Variants in KCND2 observed in about 807,000 individuals in gnomAD.
KCND2 encodes A-type voltage-gated potassium channel KCND2.
KCND2 carries 16 observed loss-of-function variants against 54.4 expected under a neutral mutation model. The ratio of observed to expected loss-of-function variants is 0.29; its 90% CI spans 0.20 to 0.45. The LOEUF is 0.45. Among genes scored for constraint, KCND2 ranks in the 20% least tolerant of loss-of-function variants. The probability of loss-of-function intolerance (pLI) is 1.00; values close to 1 mark genes in which losing one functional copy is unlikely to be tolerated. For synonymous variants in KCND2, 317 were observed against 310.7 expected (o/e 1.02, Z -0.21); for missense variants, 486 against 824.2 (o/e 0.59, Z 5.02).
chr7:120,448,004 A>G (rs1009370437), intron 1 of KCND2, among the ~76,000 whole-genome samples: 3 of 152,180 alleles, frequency 2.0e-5, no homozygotes, highest in Non-Finnish European at 4.4e-5. Flanking sequence ...TTGCATTGAG[A>G]AACTGGACCC....
intron 1 of KCND2, among the ~76,000 whole-genome samples, chr7:120,638,786 C>T (rs974680045): frequency 1.3e-5 from 2 of 151,990 alleles, no homozygotes; most frequent in Admixed American, 6.6e-5. Flanking sequence ...GTATTCAGAC[C>T]TGCGTTGGGG....
At chr7:120,497,888 T>C (rs1802873524) in intron 1 of KCND2, among the ~76,000 whole-genome samples, 1 of 152,164 alleles carries the variant, frequency 6.6e-6, no homozygotes, top group Non-Finnish European at 1.5e-5. Context: ...TGTTTTACTT[T>C]TGTGGAAGGA....
chr7:120,391,118 A>G (rs914637191), intron 1 of KCND2, among the ~76,000 whole-genome samples: 1 of 151,912 alleles, frequency 6.6e-6, no homozygotes, highest in Non-Finnish European at 1.5e-5. Context: ...CTCCCTGTGT[A>G]CATGTGCTCT....
intron 1 of KCND2, among the ~76,000 whole-genome samples, chr7:120,573,537 T>C (rs1792391532): frequency 6.6e-6 from 1 of 152,190 alleles, no homozygotes; most frequent in East Asian, 1.9e-4. Flanking sequence ...CTAATCTCTA[T>C]GCACTAAAGT....
At chr7:120,415,733 A>G (rs946735212) in intron 1 of KCND2, among the ~76,000 whole-genome samples, 1 of 152,178 alleles carries the variant, frequency 6.6e-6, no homozygotes, top group Non-Finnish European at 1.5e-5. Flanking sequence ...ACCCATGATT[A>G]TATCTCCAGT....
intron 1 of KCND2, among the ~76,000 whole-genome samples, chr7:120,276,729 A>G (rs1310122683): frequency 6.6e-6 from 1 of 152,154 alleles, no homozygotes; most frequent in East Asian, 1.9e-4. Context: ...TTTAGGTAGT[A>G]GAGAAAAGGA....
intron 1 of KCND2, among the ~76,000 whole-genome samples, chr7:120,566,100 G>C (rs1792293810): frequency 6.6e-6 from 1 of 152,148 alleles, no homozygotes; most frequent in African/African-American, 2.4e-5. Flanking sequence ...TCAGGGACTT[G>C]TACATTTTTT....
At chr7:120,296,670 T>C (rs1226714271) in intron 1 of KCND2, among the ~76,000 whole-genome samples, 1 of 152,056 alleles carries the variant, frequency 6.6e-6, no homozygotes, top group Non-Finnish European at 1.5e-5. Context: ...TCACTTTAAA[T>C]GCAGTACTGT....
intron 1 of KCND2, among the ~76,000 whole-genome samples, chr7:120,640,587 T>TGAA (rs986522073): frequency 7.2e-5 from 11 of 152,228 alleles, no homozygotes; most frequent in African/African-American, 2.6e-4. Flanking sequence ...GTGAATGTGG[T>TGAA]TACTACTAAT....
At chr7:120,641,896 CCTA>C (rs1384693242) in intron 1 of KCND2, among the ~76,000 whole-genome samples, 2 of 151,710 alleles carry the variant, frequency 1.3e-5, no homozygotes, top group African/African-American at 4.8e-5. Flanking sequence ...TTCAAATCCA[CCTA>C]CTAACACATA....
At chr7:120,465,069 C>T (rs114204909) in intron 1 of KCND2, among the ~76,000 whole-genome samples, 2 of 152,166 alleles carry the variant, frequency 1.3e-5, no homozygotes, top group African/African-American at 2.4e-5. Flanking sequence ...GAGGACATTC[C>T]AAATTTTTGC....
chr7:120,502,253 A>G (rs1562857019), intron 1 of KCND2, among the ~76,000 whole-genome samples: 1 of 151,904 alleles, frequency 6.6e-6, no homozygotes, highest in Non-Finnish European at 1.5e-5. Flanking sequence ...GTTAGCTTAG[A>G]GACAATAGGG....
intron 1 of KCND2, among the ~76,000 whole-genome samples, chr7:120,643,617 A>G (rs1480677594): frequency 2.6e-5 from 4 of 152,042 alleles, no homozygotes; most frequent in African/African-American, 9.7e-5. Context: ...AAGTCCTTTG[A>G]AAGATCAATC....
At chr7:120,692,046 A>T (rs187568494) in intron 1 of KCND2, among the ~76,000 whole-genome samples, 12 of 152,334 alleles carry the variant, frequency 7.9e-5, no homozygotes, top group Admixed American at 1.3e-4. Flanking sequence ...TGGTGAAATC[A>T]TGGGGTAGAA....
chr7:120,275,346 G>T lies in KCND2; in HGVS notation c.714G>T (p.Met238Ile). ...TCTGCTTGGACACGGCCTGCGTCATGATCTTCACAGTTGAGTATTTGCTTC... is the reference window on the plus strand; with the variant it reads ...TCTGCTTGGACACGGCCTGCGTCATTATCTTCACAGTTGAGTATTTGCTTC... The part of the protein sequence containing the change: ...AFFCLDTACV[M>I]IFTVEYLLRL... Residue 238 changes from methionine (M) to isoleucine (I), a missense_variant, in exon 1 of 6, where the codon ATG becomes ATT. This residue lies in a region of KCND2 where 231 missense variants were observed against 386.0 expected (regional missense o/e 0.60). Transcript: ENST00000331113. 6.2e-7 allele frequency: 1 copy of T among 1,613,794 alleles called. No individual in the cohort carries two copies. Among genetic ancestry groups the T allele is most frequent in the Non-Finnish European group, 8.5e-7 (1 of 1,179,972 alleles).
At chr7:120,498,470 C>G (rs1244189513) in intron 1 of KCND2, among the ~76,000 whole-genome samples, 1 of 150,832 alleles carries the variant, frequency 6.6e-6, no homozygotes, top group Non-Finnish European at 1.5e-5. Flanking sequence ...CAGAGCAAGA[C>G]TCCATCTGAA....
chr7:120,530,899 G>A (rs375560586), intron 1 of KCND2, among the ~76,000 whole-genome samples: 6 of 151,660 alleles, frequency 4.0e-5, no homozygotes, highest in South Asian at 2.1e-4. Context: ...CTTTTACATC[G>A]CTCAGGTTAC....
chr7:120,621,963 G>T (rs533454367), intron 1 of KCND2, among the ~76,000 whole-genome samples: 1 of 151,538 alleles, frequency 6.6e-6, no homozygotes, highest in African/African-American at 2.4e-5. Context: ...AAAAAAGAAG[G>T]TTTTTTTGTT....
chr7:120,278,413 T>G lies in KCND2; in HGVS notation c.1115+2666T>G, dbSNP rs1799210784. 5.9e-5 allele frequency among the ~76,000 whole-genome samples: 9 copies of G among 151,908 alleles called. No individual in the cohort carries two copies. The South Asian group carries it at 1.9e-3, about 31-fold the overall frequency. On this transcript the variant is annotated intron_variant, in intron 1 of 5. Coordinates refer to ENST00000331113, the MANE Select transcript of KCND2 (RefSeq NM_012281.3). ...TGATTATCAAGAGTTATCTGAGCTC[T>G]TTTTATGGGGCTATTAATTTTAATG...
Sources: allele counts gnomAD v4.1 joint callset (sites outside exome capture counted in the v4.1 genomes callset), GRCh38; gene constraint gnomAD v4.1.1; regional missense constraint gnomAD v4.1.1; transcripts MANE v1.5; gene names NCBI Gene and HGNC (gene_info 2026-07-23, HGNC 2026-07-21).